SLC16A7: variants seen among roughly 807,000 people sequenced by gnomAD.
SLC16A7 encodes the protein monocarboxylate transporter 2.
In SLC16A7, 33 loss-of-function variants were observed where a neutral mutation model predicts 34.9. The ratio of observed to expected loss-of-function variants is 0.94; its 90% confidence interval spans 0.72 to 1.26. The LOEUF is 1.26. Ranked by LOEUF, SLC16A7 falls within the 50% of genes most tolerant of loss-of-function variation. SLC16A7 has a pLI of 0.00. For missense variants in SLC16A7, 573 were observed against 578.1 expected, an observed-to-expected ratio of 0.99 and a Z score of 0.09; for synonymous variants, 201 against 206.6, an observed-to-expected ratio of 0.97 and a Z score of 0.23.
intron 1 of SLC16A7, among the ~76,000 whole-genome samples, chr12:59,607,791 A>G (rs1442860473): frequency 8.5e-5 from 13 of 152,190 alleles, no homozygotes; most frequent in Non-Finnish European, 1.5e-5. Context: ...CAGTAGCCAA[A>G]TGAAGTAGAT....
intron 1 of SLC16A7, among the ~76,000 whole-genome samples, chr12:59,646,605 C>T (rs149857420): frequency 6.6e-6 from 1 of 152,190 alleles, no homozygotes; most frequent in African/African-American, 2.4e-5. Flanking sequence ...TTGGAAGCTC[C>T]CCACAGAGAC....
At chr12:59,751,615 T>C (rs1001535726) in intron 3 of SLC16A7, among the ~76,000 whole-genome samples, 46 of 152,284 alleles carry the variant, frequency 3.0e-4, no homozygotes, top group African/African-American at 1.1e-3. Flanking sequence ...TCCAACTGGG[T>C]GGAGCCCACC....
intron 2 of SLC16A7, among the ~76,000 whole-genome samples, chr12:59,692,927 T>C (rs1423443660): frequency 1.3e-5 from 2 of 152,004 alleles, no homozygotes; most frequent in Non-Finnish European, 2.9e-5. Flanking sequence ...TTTGGTTCAA[T>C]TTAATTTCTG....
At chr12:59,718,934 C>T (rs1875238929) in intron 3 of SLC16A7, among the ~76,000 whole-genome samples, 1 of 152,076 alleles carries the variant, frequency 6.6e-6, no homozygotes, top group Non-Finnish European at 1.5e-5. Context: ...TTAGTCCAGG[C>T]TTTATGTTCT....
chr12:59,728,295 CT>C (rs1261360642), intron 3 of SLC16A7, among the ~76,000 whole-genome samples: 1 of 152,166 alleles, frequency 6.6e-6, no homozygotes, highest in Non-Finnish European at 1.5e-5. Context: ...AGTTCAAACA[CT>C]TCCTTTAGTG....
At chr12:59,715,217 A>G (rs900579570) in intron 3 of SLC16A7, among the ~76,000 whole-genome samples, 10 of 152,336 alleles carry the variant, frequency 6.6e-5, no homozygotes, top group African/African-American at 2.4e-4. Flanking sequence ...GGGGAGATTT[A>G]GGGTTACAGG....
rs544313618 is a variant in SLC16A7, at chr12:59,694,006, G to T, written c.-30-10766G>T. ...AGTTCCTTGGAGTTCATGGGATTAT[G>T]AAAATAAATTATTTGTATTTTTAGA... On this transcript the variant is annotated intron_variant, in intron 2 of 5. Transcript: ENST00000547379. 1.4e-3 allele frequency among the ~76,000 whole-genome samples: 213 copies of T among 151,916 alleles called. 1 individual carries two copies. The highest frequency in any genetic ancestry group is 6.8e-3 in the Middle Eastern group (2 of 294).
intron 1 of SLC16A7, among the ~76,000 whole-genome samples, chr12:59,628,500 G>T (rs917237864): frequency 6.6e-6 from 1 of 151,746 alleles, no homozygotes; most frequent in African/African-American, 2.4e-5. Context: ...TTACGCCGGA[G>T]TCCCATAGGA....
At chr12:59,719,774 G>GA (rs774574062) in intron 3 of SLC16A7, 15 of 279,432 alleles carry the variant, frequency 5.4e-5, no homozygotes, top group Non-Finnish European at 8.6e-5. Flanking sequence ...CAAAAACAGA[G>GA]AACTGGTTGC....
intron 1 of SLC16A7, among the ~76,000 whole-genome samples, chr12:59,600,774 G>A (rs1256931817): frequency 6.6e-6 from 1 of 152,124 alleles, no homozygotes; most frequent in Non-Finnish European, 1.5e-5. Flanking sequence ...GGACTTGGGT[G>A]CACCATAGAC....
At chr12:59,621,351 C>T (rs1472349618) in intron 1 of SLC16A7, among the ~76,000 whole-genome samples, 1 of 151,914 alleles carries the variant, frequency 6.6e-6, no homozygotes, top group African/African-American at 2.4e-5. Context: ...GTGATCATGG[C>T]TGTGATGATT....
chr12:59,602,012 C>T lies in SLC16A7; in HGVS notation c.-130+5776C>T, dbSNP rs115919976. ...GCTTTCCCTTAGTCATTGTAACAATCAAAAATGCCTCTCTACATTTTAATA... is the reference window on the plus strand; with the variant it reads ...GCTTTCCCTTAGTCATTGTAACAATTAAAAATGCCTCTCTACATTTTAATA... On this transcript the variant is annotated intron_variant, in intron 1 of 5. Coordinates refer to ENST00000547379, the MANE Select transcript of SLC16A7 (RefSeq NM_001270623.2). Among the ~76,000 whole-genome samples, 1,328 of 152,228 alleles carry T rather than the reference C, an allele frequency of 8.7e-3. 25 individuals carry two copies. Among genetic ancestry groups the T allele is most frequent in the African/African-American group, 0.031 (1,278 of 41,514 alleles).
At chr12:59,617,744 AGGTCT>A (rs1244929817) in intron 1 of SLC16A7, among the ~76,000 whole-genome samples, 4 of 152,016 alleles carry the variant, frequency 2.6e-5, no homozygotes, top group African/African-American at 9.6e-5. Context: ...TTGAGACCTA[AGGTCT>A]GGCCTAATCG....
intron 2 of SLC16A7, among the ~76,000 whole-genome samples, chr12:59,674,379 T>G (rs1436224051): frequency 6.6e-6 from 1 of 152,172 alleles, no homozygotes; most frequent in Non-Finnish European, 1.5e-5. Flanking sequence ...TGATAAATAT[T>G]TGTGAATTAA....
chr12:59,760,932 A>C (rs183510287), intron 3 of SLC16A7, among the ~76,000 whole-genome samples: 142 of 152,308 alleles, frequency 9.3e-4, no homozygotes, highest in African/African-American at 3.3e-3. Context: ...AGCAAGGAGC[A>C]GATTGGTTAA....
rs1233654710 is a variant in SLC16A7 at position 59,785,879 on chromosome 12, C to T, written c.*6200C>T. 1.3e-5 allele frequency: 2 copies of T among 151,804 alleles called. No homozygotes were observed. Among genetic ancestry groups the T allele is most frequent in the African/African-American group, 2.4e-5 (1 of 41,308 alleles). 9.4% of individuals were successfully genotyped at this position (151,804 alleles called of 1,614,324 possible). ...ACATTCTATTAAAATAGAATAAGTT[C>T]GTGTAGGGACATGGATGAAATTAGA... On this transcript the variant is annotated 3_prime_UTR_variant, in exon 6 of 6. Transcript: ENST00000547379.
intron 1 of SLC16A7, among the ~76,000 whole-genome samples, chr12:59,622,886 A>G (rs2136982909): frequency 6.6e-6 from 1 of 151,806 alleles, no homozygotes; most frequent in South Asian, 2.1e-4. Flanking sequence ...GAATTGGATA[A>G]TTCAGCTCCA....
intron 3 of SLC16A7, among the ~76,000 whole-genome samples, chr12:59,738,333 A>T (rs569916974): frequency 2.6e-5 from 4 of 152,336 alleles, no homozygotes; most frequent in Non-Finnish European, 5.9e-5. Context: ...TAACAAAAAC[A>T]TAATTCTTCA....
At chr12:59,723,422 T>G (rs1012918824) in intron 3 of SLC16A7, among the ~76,000 whole-genome samples, 41 of 152,042 alleles carry the variant, frequency 2.7e-4, no homozygotes, top group African/African-American at 7.9e-4. Context: ...TAACAAAGAT[T>G]TAATTAGGAA....
Sources: allele counts gnomAD v4.1 joint callset (sites outside exome capture counted in the v4.1 genomes callset), GRCh38; gene constraint gnomAD v4.1.1; transcripts MANE v1.5; gene names NCBI Gene and HGNC (gene_info 2026-07-23, HGNC 2026-07-21).